CHN2: variants seen among roughly 807,000 people sequenced by gnomAD.
CHN2 encodes the protein chimerin 2.
A neutral mutation model predicts 56.3 loss-of-function variants in CHN2; 35 were observed. The ratio of observed to expected loss-of-function variants is 0.62; its 90% CI spans 0.47 to 0.82. The LOEUF (loss-of-function observed/expected upper bound fraction) is 0.82, where lower values mean the gene tolerates loss of function less well. Ranked by LOEUF, CHN2 falls within the 40% of genes least tolerant of loss-of-function variation. CHN2 has a pLI of 0.00. For synonymous variants in CHN2, 210 were observed against 212.8 expected (o/e 0.99, Z 0.12); for missense variants, 491 against 580.5 (o/e 0.85, Z 1.58).
chr7:29,173,836 A>G (rs1433428316), intron 2 of CHN2, among the ~76,000 whole-genome samples: 1 of 150,750 alleles, frequency 6.6e-6, no homozygotes, highest in African/African-American at 2.4e-5. Context: ...ATGTAATTCC[A>G]TCTTACTTGG....
At chr7:29,341,218 C>T (rs946461846) in intron 1 of CHN2, among the ~76,000 whole-genome samples, 1 of 150,734 alleles carries the variant, frequency 6.6e-6, no homozygotes, top group East Asian at 1.9e-4. Context: ...CCCTCCTTCA[C>T]GTGTGGAGGT....
chr7:29,465,219 CAAATTA>C (rs1293153311), intron 6 of CHN2, among the ~76,000 whole-genome samples: 1 of 152,096 alleles, frequency 6.6e-6, no homozygotes, highest in African/African-American at 2.4e-5. Context: ...TGATTCTGAT[CAAATTA>C]AAATGATTTT....
chr7:29,368,504 C>T (rs1453879920), intron 3 of CHN2, among the ~76,000 whole-genome samples: 1 of 152,074 alleles, frequency 6.6e-6, no homozygotes, highest in Non-Finnish European at 1.5e-5. Context: ...GTGTGGGATG[C>T]CAGCAAGATT....
At position 29,218,817 on chromosome 7, in the gene CHN2, A is replaced by C. The variant is rs6967640; in HGVS notation, c.49+23827A>C. ...AGGGACTGTTGTGGGGTGGGGGGAGAGGAGAGGGATAGCATTAGGAGATAT... is the reference window on the plus strand; with the variant it reads ...AGGGACTGTTGTGGGGTGGGGGGAGCGGAGAGGGATAGCATTAGGAGATAT... On this transcript the variant is annotated intron_variant, in intron 1 of 12. Transcript: ENST00000222792. Among the ~76,000 whole-genome samples the C allele has an allele frequency of 3.4e-4, 42 of 124,984 alleles. 1 individual carries two copies. Among genetic ancestry groups the C allele is most frequent in the Non-Finnish European group, 6.3e-4 (38 of 60,716 alleles). 82.0% of individuals were successfully genotyped at this position (124,984 alleles called of 152,430 possible). A position where few individuals can be genotyped will look rare whatever the true frequency, so the allele number is the denominator to read the frequency against.
intron 1 of CHN2, among the ~76,000 whole-genome samples, chr7:29,219,220 A>G (rs1402631518): frequency 6.6e-6 from 1 of 152,166 alleles, no homozygotes. Flanking sequence ...GTTTCCCACC[A>G]CTGTGTAGGA....
At chr7:29,191,214 G>C (rs1167288621), upstream of CHN2, among the ~76,000 whole-genome samples, 1 of 152,132 alleles carries the variant, frequency 6.6e-6, no homozygotes, top group Non-Finnish European at 1.5e-5. Flanking sequence ...TTATAGGCAT[G>C]AGCCACCAGG....
intron 1 of CHN2, among the ~76,000 whole-genome samples, chr7:29,295,293 A>G (rs1322719483): frequency 1.4e-5 from 2 of 147,010 alleles, no homozygotes; most frequent in East Asian, 2.0e-4. Context: ...AGGGCCGACT[A>G]TATCCCTCAG....
At chr7:29,235,166 G>A (rs542977695) in intron 1 of CHN2, among the ~76,000 whole-genome samples, 4 of 152,062 alleles carry the variant, frequency 2.6e-5, no homozygotes, top group African/African-American at 9.6e-5. Context: ...CAGAATCTAT[G>A]GAACTTAAAC....
chr7:29,266,256 C>T (rs1790135415), intron 1 of CHN2, among the ~76,000 whole-genome samples: 2 of 152,208 alleles, frequency 1.3e-5, no homozygotes, highest in East Asian at 1.9e-4. Context: ...TTGATAAATA[C>T]TTCTTTCTTC....
At chr7:29,479,764 A>C (rs543454970) in intron 6 of CHN2, 2 of 1,173,368 alleles carry the variant, frequency 1.7e-6, no homozygotes, top group African/African-American at 3.1e-5. Flanking sequence ...CTCCTTTGCA[A>C]TGTGCTGCGG....
intron 1 of CHN2, among the ~76,000 whole-genome samples, chr7:29,282,203 A>G (rs2128860903): frequency 1.3e-5 from 2 of 152,354 alleles, no homozygotes; most frequent in South Asian, 4.1e-4. Context: ...AGGTGAAAGA[A>G]AGAATGACAG....
chr7:29,206,934 G>A lies in CHN2; in HGVS notation c.49+11944G>A, dbSNP rs556548415. Among the ~76,000 whole-genome samples, 32 of 152,296 alleles carry A rather than the reference G, an allele frequency of 2.1e-4. 1 individual carries two copies. In the South Asian group the frequency reaches 5.6e-3, roughly 27 times the overall value. On this transcript the variant is annotated intron_variant, in intron 1 of 12. Transcript: ENST00000222792. ...AGAAAGTAGATGAGTTGTCCCCTGCGGCTGAGAGGTTTGGAGTGAAATGGG... is the reference window on the plus strand; with the variant it reads ...AGAAAGTAGATGAGTTGTCCCCTGCAGCTGAGAGGTTTGGAGTGAAATGGG...
chr7:29,192,440 T>A (rs926693952), upstream of CHN2: 1 of 152,202 alleles, frequency 6.6e-6, no homozygotes, highest in Non-Finnish European at 1.5e-5. Context: ...ATTTCAGAGA[T>A]GAATAATGAA....
At chr7:29,240,157 C>A (rs1285763191) in intron 1 of CHN2, among the ~76,000 whole-genome samples, 4 of 152,144 alleles carry the variant, frequency 2.6e-5, no homozygotes, top group Non-Finnish European at 5.9e-5. Context: ...TTCCCTAGTG[C>A]AGGCTGAGGC....
chr7:29,410,198 T>A (rs1342346285), intron 6 of CHN2, among the ~76,000 whole-genome samples: 2 of 152,226 alleles, frequency 1.3e-5, no homozygotes, highest in East Asian at 3.8e-4. Flanking sequence ...TTTTATAATG[T>A]TTAAAACAGG....
intron 6 of CHN2, among the ~76,000 whole-genome samples, chr7:29,411,734 T>C (rs936533641): frequency 9.2e-5 from 14 of 152,252 alleles, no homozygotes; most frequent in Admixed American, 6.5e-4. Flanking sequence ...CGCCACCCGA[T>C]AGAGCCTGAG....
In CHN2 at chr7:29,175,504, C is replaced by A. The variant is rs144705619; in HGVS notation, c.274+28544C>A. On this transcript the variant is annotated intron_variant, in intron 2 of 6. Coordinates refer to the CHN2 transcript ENST00000439384. ...AGCTGATGATTTTATAAGGCATTTC[C>A]CCTTTCACTTGGCTCTCATACTCTC... Among the ~76,000 whole-genome samples the A allele has an allele frequency of 2.0e-4, 31 of 152,164 alleles. 1 individual carries two copies. In the East Asian group the frequency reaches 6.0e-3, roughly 30 times the overall value.
intron 1 of CHN2, among the ~76,000 whole-genome samples, chr7:29,211,032 A>T (rs1284059374): frequency 6.7e-6 from 1 of 150,126 alleles, no homozygotes; most frequent in Non-Finnish European, 1.5e-5. Flanking sequence ...TCTAGAAGAC[A>T]GTGGCATGAT....
At chr7:29,230,114 G>A (rs1786553560) in intron 1 of CHN2, among the ~76,000 whole-genome samples, 1 of 152,210 alleles carries the variant, frequency 6.6e-6, no homozygotes, top group African/African-American at 2.4e-5. Flanking sequence ...GGCCTGGAAA[G>A]TGTAAAGTAT....
Sources: gnomAD v4.1 joint callset for allele counts (sites outside exome capture counted in the v4.1 genomes callset) on GRCh38, gnomAD v4.1.1 for gene constraint, MANE v1.5 for transcripts, NCBI Gene and HGNC (gene_info 2026-07-23, HGNC 2026-07-21) for gene names.